Variants in MACROD2 observed in about 807,000 individuals in gnomAD.
MACROD2 encodes the protein ADP-ribose glycohydrolase MACROD2.
MACROD2 carries 36 observed loss-of-function variants against 70.4 expected under a neutral mutation model. The observed-to-expected ratio is 0.51, with a 90% CI of 0.39 to 0.68. MACROD2 has a LOEUF of 0.68. Ranked by LOEUF, MACROD2 falls within the 30% of genes least tolerant of loss-of-function variation. MACROD2 has a pLI of 0.00. For missense variants in MACROD2, 496 were observed against 538.4 expected, an observed-to-expected ratio of 0.92 and a Z score of 0.78; for synonymous variants, 172 against 178.8, an observed-to-expected ratio of 0.96 and a Z score of 0.30.
At chr20:15,713,631 G>T (rs1367459243) in intron 8 of MACROD2, among the ~76,000 whole-genome samples, 1 of 152,082 alleles carries the variant, frequency 6.6e-6, no homozygotes, top group Non-Finnish European at 1.5e-5. Context: ...AAGGAGGATA[G>T]TGCTAAACCA....
intron 4 of MACROD2, among the ~76,000 whole-genome samples, chr20:14,574,765 A>T (rs1303730871): frequency 1.3e-5 from 2 of 150,424 alleles, no homozygotes; most frequent in African/African-American, 4.9e-5. Flanking sequence ...TAATCCCAGC[A>T]CTTTGGGAGG....
intron 5 of MACROD2, among the ~76,000 whole-genome samples, chr20:14,965,443 A>ATTTT (rs1479327790): frequency 9.6e-5 from 8 of 83,008 alleles, no homozygotes; most frequent in East Asian, 3.3e-4. Flanking sequence ...GCTAAAAGTT[A>ATTTT]TTTTTTTTTC....
At chr20:15,917,919 C>G (rs929865793) in intron 10 of MACROD2, among the ~76,000 whole-genome samples, 6 of 151,850 alleles carry the variant, frequency 4.0e-5, no homozygotes, top group Non-Finnish European at 7.4e-5. Context: ...TTTGTAGCCC[C>G]AGATAAGTAG....
chr20:15,952,226 A>T (rs1212388962), intron 12 of MACROD2, among the ~76,000 whole-genome samples: 1 of 152,092 alleles, frequency 6.6e-6, no homozygotes, highest in African/African-American at 2.4e-5. Flanking sequence ...CCCGGTCTTG[A>T]GTATGTCTTT....
chr20:14,202,437 T>C (rs1241873941), intron 3 of MACROD2, among the ~76,000 whole-genome samples: 1 of 152,224 alleles, frequency 6.6e-6, no homozygotes, highest in Non-Finnish European at 1.5e-5. Context: ...CCTTCTACTT[T>C]AGTTATTTTT....
At chr20:15,130,258 A>C (rs555792787) in intron 5 of MACROD2, among the ~76,000 whole-genome samples, 115 of 152,060 alleles carry the variant, frequency 7.6e-4, no homozygotes, top group African/African-American at 2.6e-3. Context: ...CCATTCATCC[A>C]TCCACCCATC....
At chr20:15,757,765 A>G (rs2051369546) in intron 8 of MACROD2, among the ~76,000 whole-genome samples, 1 of 152,158 alleles carries the variant, frequency 6.6e-6, no homozygotes, top group African/African-American at 2.4e-5. Flanking sequence ...AGAGAGAGAG[A>G]GAAAGAACTC....
intron 3 of MACROD2, among the ~76,000 whole-genome samples, chr20:14,386,730 G>A (rs2083471837): frequency 6.6e-6 from 1 of 152,148 alleles, no homozygotes; most frequent in Admixed American, 6.5e-5. Context: ...CATGCTTCCT[G>A]AACAGCCTGC....
intron 6 of MACROD2, among the ~76,000 whole-genome samples, chr20:15,417,116 T>G (rs756718109): frequency 3.9e-5 from 6 of 152,164 alleles, no homozygotes; most frequent in Non-Finnish European, 8.8e-5. Flanking sequence ...AACCTGCTCC[T>G]TCTCCAATTA....
Position 15,594,108 on chromosome 20 carries a change from C to T in MACROD2, c.645+94261C>T, listed in dbSNP as rs116327553. Among the ~76,000 whole-genome samples, 1,460 of 152,276 alleles carry T rather than the reference C, an allele frequency of 9.6e-3. 26 individuals are homozygous for T. Among genetic ancestry groups the T allele is most frequent in the African/African-American group, 0.034 (1,397 of 41,556 alleles). On this transcript the variant is annotated intron_variant, in intron 8 of 17. Coordinates refer to ENST00000684519, the MANE Select transcript of MACROD2 (RefSeq NM_001351661.2). ...GGTTTGGAATAATCAAGAGTGTGGG[C>T]ATTGAAGACAGGCTGCCCCCATCCC... is the stretch of plus-strand genomic sequence containing the variant.
At position 15,719,508 on chromosome 20, in the gene MACROD2, GT is replaced by G. The variant is rs554193073; in HGVS notation, c.646-143233del. Among the ~76,000 whole-genome samples the G allele has an allele frequency of 4.1e-4, 63 of 152,268 alleles. 1 individual carries two copies. The highest frequency in any genetic ancestry group is 1.5e-3 in the African/African-American group (62 of 41,556). ...TCCTCACAGATTCCTCCAAAAGCTTGTTTTGAATCTCAGAAATGACCAATTT... is the reference window on the plus strand; with the variant it reads ...TCCTCACAGATTCCTCCAAAAGCTTGTTTGAATCTCAGAAATGACCAATTT... On this transcript the variant is annotated intron_variant, in intron 8 of 17. Coordinates refer to ENST00000684519, the MANE Select transcript of MACROD2 (RefSeq NM_001351661.2).
chr20:14,035,072 G>A (rs754012505), intron 2 of MACROD2, among the ~76,000 whole-genome samples: 13 of 152,152 alleles, frequency 8.5e-5, no homozygotes, highest in African/African-American at 1.4e-4. Flanking sequence ...TTATAGGTAA[G>A]TGTTGATTTT....
chr20:14,106,453 C>T (rs1485164111), intron 3 of MACROD2, among the ~76,000 whole-genome samples: 1 of 152,110 alleles, frequency 6.6e-6, no homozygotes, highest in Non-Finnish European at 1.5e-5. Context: ...GACTACAGTC[C>T]TTGGATCTCA....
chr20:14,919,106 ACT>A (rs2122629537), intron 5 of MACROD2, among the ~76,000 whole-genome samples: 1 of 151,958 alleles, frequency 6.6e-6, no homozygotes, highest in South Asian at 2.1e-4. Context: ...GAAAACTCTC[ACT>A]CTCTCTGTGT....
intron 15 of MACROD2, among the ~76,000 whole-genome samples, chr20:16,018,105 T>C (rs1392407344): frequency 6.6e-6 from 1 of 152,188 alleles, no homozygotes; most frequent in African/African-American, 2.4e-5. Context: ...ATGGGGAATA[T>C]GGAGCACAGA....
chr20:15,876,637 G>T (rs2064678530), intron 9 of MACROD2, among the ~76,000 whole-genome samples: 1 of 152,140 alleles, frequency 6.6e-6, no homozygotes. Flanking sequence ...CCAGTAATGG[G>T]ATGGCTGGAT....
At chr20:15,475,971 AGGAACCATAGGCGAACAAAGAAAG>A (rs1472842289) in intron 7 of MACROD2, among the ~76,000 whole-genome samples, 1 of 152,248 alleles carries the variant, frequency 6.6e-6, no homozygotes, top group Non-Finnish European at 1.5e-5. Context: ...TTGCAAAAAA[AGGAACCATAGGCGAACAAAGAAAG>A]GGAGGAGATG....
chr20:15,062,203 A>C (rs543337265), intron 5 of MACROD2, among the ~76,000 whole-genome samples: 2 of 152,320 alleles, frequency 1.3e-5, no homozygotes, highest in African/African-American at 4.8e-5. Context: ...ATAGGTAAAC[A>C]GCCTCAGGAG....
chr20:14,805,910 C>T (rs1664764091), intron 5 of MACROD2, among the ~76,000 whole-genome samples: 2 of 152,072 alleles, frequency 1.3e-5, no homozygotes, highest in South Asian at 4.1e-4. Context: ...ATCCTGACCA[C>T]TTTCTCTTGT....
Sources: allele counts gnomAD v4.1 joint callset (sites outside exome capture counted in the v4.1 genomes callset), GRCh38; gene constraint gnomAD v4.1.1; transcripts MANE v1.5; gene names NCBI Gene and HGNC (gene_info 2026-07-23, HGNC 2026-07-21).